Variants in FBN1 observed in about 807,000 individuals in gnomAD.
The protein encoded by FBN1 is fibrillin 1.
Under a neutral mutation model 365.1 loss-of-function variants are expected in FBN1, and 29 were observed. That is an observed-to-expected ratio of 0.08 (90% CI 0.06 to 0.11). The LOEUF (loss-of-function observed/expected upper bound fraction) is 0.11, where lower values mean the gene tolerates loss of function less well. Among genes scored for constraint, FBN1 ranks in the 10% least tolerant of loss-of-function variants. The probability of loss-of-function intolerance (pLI) is 1.00; values close to 1 mark genes in which losing one functional copy is unlikely to be tolerated. For missense variants in FBN1, 2,476 were observed against 3,703.2 expected (o/e 0.67, Z 8.60); for synonymous variants, 1,210 against 1,270.5 (o/e 0.95, Z 1.01).
At chr15:48,602,778 A>C (rs1471443220) in intron 4 of FBN1, among the ~76,000 whole-genome samples, 1 of 152,210 alleles carries the variant, frequency 6.6e-6, no homozygotes, top group African/African-American at 2.4e-5. Context: ...AAGAAAAAAA[A>C]TGATTTAGTG....
chr15:48,641,611 C>T (rs1890199497), intron 2 of FBN1: 1 of 152,202 alleles, frequency 6.6e-6, no homozygotes, highest in Admixed American at 6.5e-5. Context: ...ACCAACTGGG[C>T]ATCAGGCAGA....
chr15:48,575,400 C>T (rs909546551), intron 6 of FBN1, among the ~76,000 whole-genome samples: 1 of 152,118 alleles, frequency 6.6e-6, no homozygotes, highest in African/African-American at 2.4e-5. Context: ...CTTACATGCA[C>T]ATATTGCATA....
At chr15:48,464,731 T>C (rs1040349597) in intron 40 of FBN1, among the ~76,000 whole-genome samples, 1 of 152,202 alleles carries the variant, frequency 6.6e-6, no homozygotes, top group African/African-American at 2.4e-5. Context: ...ATAGGGTATA[T>C]AGTATCCCGA....
At chr15:48,472,325 A>G (rs2043382707) in intron 35 of FBN1, among the ~76,000 whole-genome samples, 1 of 152,166 alleles carries the variant, frequency 6.6e-6, no homozygotes, top group Admixed American at 6.5e-5. Context: ...CCATGCGGCC[A>G]AGGCTGGATG....
intron 6 of FBN1, among the ~76,000 whole-genome samples, chr15:48,594,981 A>G (rs2044505753): frequency 6.6e-6 from 1 of 152,228 alleles, no homozygotes; most frequent in Non-Finnish European, 1.5e-5. Context: ...ATAAAAACAC[A>G]TCTGTGCAAG....
rs761662654 is a variant in FBN1 at position 48,510,090 on chromosome 15, C to T, written c.1668G>A (p.Val556=). The change falls in exon 14 of 66, where the codon GTG becomes GTA. Residue 556 remains valine (V), a synonymous_variant. Coordinates refer to ENST00000316623, the MANE Select transcript of FBN1 (RefSeq NM_000138.5). ...CINTDGSFHC[V]CNAGFHVTRD... ...GTGTAACATGAAAGCCCGCATTACA[C>T]ACGCAATGAAAACTGCCATCTGTGT... is the stretch of plus-strand genomic sequence containing the variant. The T allele has an allele frequency of 2.0e-5, 33 of 1,613,362 alleles. No homozygotes were observed. Among genetic ancestry groups the T allele is most frequent in the Non-Finnish European group, 2.5e-5 (29 of 1,179,598 alleles).
intron 43 of FBN1, among the ~76,000 whole-genome samples, chr15:48,459,206 A>G (rs1355210936): frequency 6.6e-6 from 1 of 152,232 alleles, no homozygotes; most frequent in Non-Finnish European, 1.5e-5. Context: ...TCCGTGGAGA[A>G]CCACTACCAT....
intron 56 of FBN1, among the ~76,000 whole-genome samples, chr15:48,430,465 G>A (rs1170227071): frequency 1.3e-5 from 2 of 152,168 alleles, no homozygotes; most frequent in African/African-American, 2.4e-5. Flanking sequence ...GCAGACAAAG[G>A]CCAGATCAGA....
intron 25 of FBN1, among the ~76,000 whole-genome samples, chr15:48,489,063 G>A (rs1458068235): frequency 6.6e-6 from 1 of 151,750 alleles, no homozygotes; most frequent in East Asian, 1.9e-4. Flanking sequence ...TTTGAGACAG[G>A]ATCTGCTCTG....
intron 2 of FBN1, among the ~76,000 whole-genome samples, chr15:48,635,436 T>A (rs147838396): frequency 6.6e-6 from 1 of 152,310 alleles, no homozygotes; most frequent in East Asian, 1.9e-4. Flanking sequence ...ATGTGGCTAC[T>A]CCATTTATAA....
At position 48,425,774 on chromosome 15, in the gene FBN1, C is replaced by T; in HGVS notation, c.7295G>A (p.Gly2432Glu). 6.2e-7 allele frequency: 1 copy of T among 1,613,410 alleles called. No homozygotes were observed. The highest frequency in any genetic ancestry group is 8.5e-7 in the Non-Finnish European group (1 of 1,179,490). Residue 2432 changes from glycine to glutamate, a missense_variant, in exon 59 of 66, where the codon GGG (glycine) becomes GAG (glutamate). Gly to Glu is a moderately conservative substitution (Grantham distance 98). Coordinates refer to ENST00000316623, the MANE Select transcript of FBN1 (RefSeq NM_000138.5). Reference protein sequence around the residue: ...RGSYHCICKTGYTPDITGTSC... With the variant: ...RGSYHCICKTEYTPDITGTSC... ...AGTCCCAGTTATATCTGGAGTGTAC[C>T]CAGTTTTACAAATGCAATGATATGA...
Position 48,570,112 on chromosome 15 carries a change from CTCTT to C in FBN1, c.538+26167_538+26170del, listed in dbSNP as rs762999958. On this transcript the variant is annotated intron_variant, in intron 6 of 65. Transcript: ENST00000316623. ...CTATCTCAACTGTATGGACTTAATA[CTCTT>C]TCTGTTTGTTTTGGTTTTGGTTTCT... 7.9e-5 allele frequency among the ~76,000 whole-genome samples: 12 copies of C among 152,240 alleles called. No individual in the cohort carries two copies. In the East Asian group the frequency reaches 1.7e-3, roughly 22 times the overall value.
chr15:48,606,207 T>C (rs775438794), intron 4 of FBN1, among the ~76,000 whole-genome samples: 75 of 152,360 alleles, frequency 4.9e-4, no homozygotes, highest in Non-Finnish European at 2.2e-4. Context: ...TCATACAACT[T>C]AGAAATTGCA....
chr15:48,564,199 C>T (rs2044243644), intron 6 of FBN1, among the ~76,000 whole-genome samples: 2 of 152,176 alleles, frequency 1.3e-5, no homozygotes, highest in African/African-American at 4.8e-5. Context: ...CTGTGATTAG[C>T]TGAACTTTGC....
chr15:48,568,002 A>G (rs138766913), intron 6 of FBN1, among the ~76,000 whole-genome samples: 116 of 86,442 alleles, frequency 1.3e-3, no homozygotes, highest in African/African-American at 7.4e-3. Flanking sequence ...TACAGATAAG[A>G]AAGAAAGAAA....
At position 48,427,441 on chromosome 15, in the gene FBN1, T is replaced by A. The variant is rs1184561683; in HGVS notation, c.7204+126A>T. 5.1e-6 allele frequency: 5 copies of A among 971,790 alleles called. No individual in the cohort carries two copies. In the Admixed American group the frequency reaches 6.5e-5, roughly 13 times the overall value. 60.2% of individuals were successfully genotyped at this position (971,790 alleles called of 1,614,324 possible). A position where few individuals can be genotyped will look rare whatever the true frequency, so the allele number is the denominator to read the frequency against. ...TCTAAAACTCCATAATGAAGAATTT[T>A]TGTTGGCCTCAGCTGTGCAATTCAA... On this transcript the variant is annotated intron_variant, in intron 58 of 65. Transcript: ENST00000316623.
chr15:48,432,202 C>G (rs900889558), intron 55 of FBN1, among the ~76,000 whole-genome samples: 4 of 152,174 alleles, frequency 2.6e-5, no homozygotes, highest in Non-Finnish European at 2.9e-5. Context: ...ATGATTAGGA[C>G]CTTTCATTTA....
At position 48,428,465 on chromosome 15, in the gene FBN1, T is replaced by C. The variant is rs766471411; in HGVS notation, c.6878A>G (p.Asn2293Ser). 6.2e-7 allele frequency: 1 copy of C among 1,614,076 alleles called. No individual in the cohort carries two copies. Among genetic ancestry groups the C allele is most frequent in the East Asian group, 2.2e-5 (1 of 44,868 alleles). ...GATCCCTGGCTTCGTCTGACATTCATTCTCATCTGTTTGATTTTATTGAAG... is the reference window on the plus strand; with the variant it reads ...GATCCCTGGCTTCGTCTGACATTCACTCTCATCTGTTTGATTTTATTGAAG... ...RPDGEGCVDE[N>S]ECQTKPGICE... The change falls in exon 57 of 66, where the codon AAT becomes AGT. Residue 2293 changes from asparagine (N) to serine (S), a missense_variant. Transcript: ENST00000316623.
intron 58 of FBN1, among the ~76,000 whole-genome samples, chr15:48,426,256 T>G (rs941250736): frequency 6.6e-6 from 1 of 152,230 alleles, no homozygotes; most frequent in African/African-American, 2.4e-5. Context: ...ATCCTTTTGA[T>G]GAGGAAACCC....
Sources: allele counts gnomAD v4.1 joint callset (sites outside exome capture counted in the v4.1 genomes callset), GRCh38; gene constraint gnomAD v4.1.1; transcripts MANE v1.5; gene names NCBI Gene and HGNC (gene_info 2026-07-23, HGNC 2026-07-21).